PGGT1B: variants seen among roughly 807,000 people sequenced by gnomAD.
PGGT1B encodes protein geranylgeranyltransferase type I subunit beta, also known as geranylgeranyl transferase type-1 subunit beta.
In PGGT1B, 30 loss-of-function variants were observed where a neutral mutation model predicts 46.1. The ratio of observed to expected loss-of-function variants is 0.65; its 90% CI spans 0.49 to 0.88. The LOEUF (loss-of-function observed/expected upper bound fraction) is 0.88. Ranked by LOEUF, PGGT1B falls within the 40% of genes least tolerant of loss-of-function variation. PGGT1B has a pLI of 0.00. For synonymous variants in PGGT1B, 170 were observed against 160.0 expected (o/e 1.06, Z -0.47); for missense variants, 376 against 455.9 (o/e 0.82, Z 1.60).
intron 7 of PGGT1B, among the ~76,000 whole-genome samples, chr5:115,217,429 A>G (rs1438771656): frequency 3.3e-5 from 5 of 152,134 alleles, no homozygotes; most frequent in African/African-American, 1.2e-4. Context: ...AGTTTTGAAA[A>G]TAGTAAAAAA....
In PGGT1B at chr5:115,259,685, C is replaced by CAAA. The variant is rs917531364; in HGVS notation, c.140+3024_140+3026dup. Among the ~76,000 whole-genome samples the CAAA allele has an allele frequency of 3.1e-3, 91 of 29,416 alleles. 5 individuals carry two copies. The highest frequency in any genetic ancestry group is 5.1e-3 in the African/African-American group (43 of 8,394). 19.3% of individuals were successfully genotyped at this position (29,416 alleles called of 152,430 possible). On this transcript the variant is annotated intron_variant, in intron 1 of 8. Coordinates refer to ENST00000419445, the MANE Select transcript of PGGT1B (RefSeq NM_005023.4). Reference sequence around the variant, plus strand: ...GCCTGGTGACAGAGTGAGACTGTCTCAAAAAAAAAAAAAAAAAAAAAAAAA... The same window carrying CAAA: ...GCCTGGTGACAGAGTGAGACTGTCTCAAAAAAAAAAAAAAAAAAAAAAAAAAAA...
chr5:115,224,664 G>C (rs527405793), intron 6 of PGGT1B, among the ~76,000 whole-genome samples: 1 of 152,148 alleles, frequency 6.6e-6, no homozygotes, highest in South Asian at 2.1e-4. Flanking sequence ...GAGCTCAGGA[G>C]TTCGAGACCA....
Position 115,221,350 on chromosome 5 carries a change from A to G in PGGT1B, c.843+474T>C, listed in dbSNP as rs78243193. On this transcript the variant is annotated intron_variant, in intron 7 of 8. Coordinates refer to ENST00000419445, the MANE Select transcript of PGGT1B (RefSeq NM_005023.4). ...TGGGAAAAAATGTGCTGGCATGTCA[A>G]TTGATGAGTTTCAGAAGGTTTAAAC... Among the ~76,000 whole-genome samples, 970 of 152,094 alleles carry G rather than the reference A, an allele frequency of 6.4e-3. 15 individuals carry two copies. Among genetic ancestry groups the G allele is most frequent in the African/African-American group, 0.022 (910 of 41,544 alleles).
At chr5:115,256,929 A>G (rs142212504) in intron 1 of PGGT1B, among the ~76,000 whole-genome samples, 1 of 152,328 alleles carries the variant, frequency 6.6e-6, no homozygotes, top group African/African-American at 2.4e-5. Context: ...TACTTCTTTC[A>G]GAGAATATCT....
chr5:115,222,496 A>G (rs2126995922), intron 6 of PGGT1B, among the ~76,000 whole-genome samples: 1 of 152,324 alleles, frequency 6.6e-6, no homozygotes, highest in Middle Eastern at 3.4e-3. Flanking sequence ...TTAAGGAAGT[A>G]GTTTACAGTC....
rs1338629273 is a variant in PGGT1B, at chr5:115,253,076, A to T, written c.259+61T>A. 2.7e-6 allele frequency: 4 copies of T among 1,462,158 alleles called. 1 individual carries two copies. The highest frequency in any genetic ancestry group is 2.1e-5 in the Admixed American group (1 of 46,680). 90.6% of individuals were successfully genotyped at this position (1,462,158 alleles called of 1,614,324 possible). A position where few individuals can be genotyped will look rare whatever the true frequency, so the allele number is the denominator to read the frequency against. On this transcript the variant is annotated intron_variant, in intron 2 of 8. Transcript: ENST00000419445. ...ACAAGTACTAAGATTTTCTAGTCCA[A>T]CACATGTTATGTCAGGTACAACCAG...
At chr5:115,224,598 G>A (rs1413315827) in intron 6 of PGGT1B, among the ~76,000 whole-genome samples, 2 of 152,102 alleles carry the variant, frequency 1.3e-5, no homozygotes, top group Non-Finnish European at 2.9e-5. Flanking sequence ...GCTGGGCATG[G>A]TGGCTCATGC....
At chr5:115,254,715 C>T (rs1160292461) in intron 1 of PGGT1B, among the ~76,000 whole-genome samples, 2 of 151,650 alleles carry the variant, frequency 1.3e-5, no homozygotes, top group East Asian at 1.9e-4. Flanking sequence ...CCAACCAAAG[C>T]TTAAGGGCAA....
chr5:115,209,178 A>G lies in PGGT1B; in HGVS notation c.*3224T>C, dbSNP rs72813815. Reference sequence around the variant, plus strand: ...CTCTGTGTCTTGGCCTTTCTTCCCAATACTTATCTAGATCTTCTTTCCTTT... The same window carrying G: ...CTCTGTGTCTTGGCCTTTCTTCCCAGTACTTATCTAGATCTTCTTTCCTTT... On this transcript the variant is annotated 3_prime_UTR_variant, in exon 9 of 9. Coordinates refer to ENST00000419445, the MANE Select transcript of PGGT1B (RefSeq NM_005023.4). 0.021 allele frequency: 3,171 copies of G among 152,142 alleles called. 34 individuals are homozygous for G. The highest frequency in any genetic ancestry group is 0.041 in the Middle Eastern group (12 of 294). The allele number at this position is 152,142 out of a possible 1,614,324, so 9.4% of individuals were successfully genotyped here. A position where few individuals can be genotyped will look rare whatever the true frequency, so the allele number is the denominator to read the frequency against.
intron 1 of PGGT1B, among the ~76,000 whole-genome samples, chr5:115,254,422 T>G (rs1288610800): frequency 6.6e-6 from 1 of 152,074 alleles, no homozygotes; most frequent in Non-Finnish European, 1.5e-5. Context: ...TATATAATAG[T>G]TTAACAATTT....
At position 115,232,283 on chromosome 5, in the gene PGGT1B, T is replaced by C. The variant is rs77376407; in HGVS notation, c.613-1262A>G. ...CTATAAGCAAGGGAAGAGCTTGTGA[T>C]AAAAAAAGAGGAAGATGTTCTAGGG... On this transcript the variant is annotated intron_variant, in intron 5 of 8. Coordinates refer to ENST00000419445, the MANE Select transcript of PGGT1B (RefSeq NM_005023.4). Among the ~76,000 whole-genome samples, 174 of 151,966 alleles carry C rather than the reference T, an allele frequency of 1.1e-3. 1 individual carries two copies. The highest frequency in any genetic ancestry group is 4.0e-3 in the African/African-American group (165 of 41,452).
intron 8 of PGGT1B, among the ~76,000 whole-genome samples, chr5:115,214,183 G>C (rs1046859523): frequency 6.6e-6 from 1 of 152,080 alleles, no homozygotes; most frequent in Non-Finnish European, 1.5e-5. Context: ...AAATAGAACT[G>C]TGTAAAACTA....
At chr5:115,234,330 T>G (rs972277464) in intron 5 of PGGT1B, among the ~76,000 whole-genome samples, 5 of 151,744 alleles carry the variant, frequency 3.3e-5, no homozygotes, top group Non-Finnish European at 7.4e-5. Context: ...CTAACGAGAA[T>G]AGTTACCTAC....
intron 1 of PGGT1B, among the ~76,000 whole-genome samples, chr5:115,260,049 G>T (rs1748489485): frequency 6.6e-6 from 1 of 152,040 alleles, no homozygotes; most frequent in Admixed American, 6.5e-5. Flanking sequence ...CCCAACCCAA[G>T]ATTTAATATT....
At chr5:115,259,685 CA>C (rs917531364) in intron 1 of PGGT1B, among the ~76,000 whole-genome samples, 1,253 of 29,412 alleles carry the variant, frequency 0.043, 4 homozygotes, top group African/African-American at 0.097. Context: ...GAGACTGTCT[CA>C]AAAAAAAAAA....
chr5:115,241,825 A>G (rs1757354470), intron 2 of PGGT1B, among the ~76,000 whole-genome samples: 1 of 152,054 alleles, frequency 6.6e-6, no homozygotes, highest in Non-Finnish European at 1.5e-5. Context: ...AATTATTTCT[A>G]TCATGTACCT....
intron 2 of PGGT1B, among the ~76,000 whole-genome samples, chr5:115,245,776 T>C (rs1315585416): frequency 6.6e-6 from 1 of 152,198 alleles, no homozygotes; most frequent in Non-Finnish European, 1.5e-5. Context: ...TGTTTGGATC[T>C]TAAGCACCAC....
At position 115,205,200 on chromosome 5, in the gene PGGT1B, T is replaced by A. The variant is rs1281498326; in HGVS notation, c.*7202A>T. 1 of 152,194 alleles carries A rather than the reference T, an allele frequency of 6.6e-6. No homozygotes were observed. Among genetic ancestry groups the A allele is most frequent in the East Asian group, 1.9e-4 (1 of 5,192 alleles). The allele number at this position is 152,194 out of a possible 1,614,324, so 9.4% of individuals were successfully genotyped here. ...TTCATAATCTTTTACTTTTTCACAATTTCTCCAGTGAATTGTATGTCTTTC... is the reference window on the plus strand; with the variant it reads ...TTCATAATCTTTTACTTTTTCACAAATTCTCCAGTGAATTGTATGTCTTTC... On this transcript the variant is annotated 3_prime_UTR_variant, in exon 9 of 9. Coordinates refer to ENST00000419445, the MANE Select transcript of PGGT1B (RefSeq NM_005023.4).
In PGGT1B at chr5:115,217,022, A is replaced by G. The variant is rs368546905; in HGVS notation, c.844-49T>C. Reference sequence around the variant, plus strand: ...ATTTACTGACATAAAACTCATATCAACCTTTGGCTCAAATTTCAGATACGT... The same window carrying G: ...ATTTACTGACATAAAACTCATATCAGCCTTTGGCTCAAATTTCAGATACGT... On this transcript the variant is annotated intron_variant, in intron 7 of 8. Transcript: ENST00000419445. 8.5e-6 allele frequency: 7 copies of G among 825,852 alleles called. No homozygotes were observed. The African/African-American group carries it at 1.2e-4, about 14-fold the overall frequency. The allele number at this position is 825,852 out of a possible 1,614,324, so 51.2% of individuals were successfully genotyped here.
Sources: gnomAD v4.1 joint callset for allele counts (sites outside exome capture counted in the v4.1 genomes callset) on GRCh38, gnomAD v4.1.1 for gene constraint, MANE v1.5 for transcripts, NCBI Gene and HGNC (gene_info 2026-07-23, HGNC 2026-07-21) for gene names.